Variants in NALCN observed in about 807,000 individuals in gnomAD.
NALCN encodes sodium leak channel, non-selective.
NALCN carries 111 observed loss-of-function variants against 225.3 expected under a neutral mutation model. The observed-to-expected ratio is 0.49, with a 90% CI of 0.42 to 0.58. The LOEUF is 0.58. Among genes scored for constraint, NALCN ranks in the 20% least tolerant of loss-of-function variants. NALCN has a pLI of 0.00. For missense variants in NALCN, 1,378 were observed against 2,202.4 expected (o/e 0.63, Z 7.49); for synonymous variants, 764 against 769.0 (o/e 0.99, Z 0.11).
chr13:101,234,817 T>C (rs551179231), intron 12 of NALCN, among the ~76,000 whole-genome samples: 1 of 150,694 alleles, frequency 6.6e-6, no homozygotes, highest in Non-Finnish European at 1.5e-5. Context: ...TGACTATCTA[T>C]CTACTATCTA....
At chr13:101,228,077 TCC>T (rs2041214260) in intron 13 of NALCN, among the ~76,000 whole-genome samples, 1 of 152,122 alleles carries the variant, frequency 6.6e-6, no homozygotes, top group South Asian at 2.1e-4. Flanking sequence ...TACTGGTTCC[TCC>T]CCTCAACTGA....
At chr13:101,179,134 G>A (rs777503728) in intron 14 of NALCN, among the ~76,000 whole-genome samples, 3 of 152,166 alleles carry the variant, frequency 2.0e-5, no homozygotes, top group Non-Finnish European at 4.4e-5. Context: ...TCACTGCAGT[G>A]ATGTTTATCA....
intron 18 of NALCN, among the ~76,000 whole-genome samples, chr13:101,118,220 G>A (rs1224708249): frequency 1.3e-5 from 2 of 151,942 alleles, no homozygotes; most frequent in Non-Finnish European, 2.9e-5. Context: ...GCTCCATTTT[G>A]CCGCAAACCT....
intron 6 of NALCN, among the ~76,000 whole-genome samples, chr13:101,358,239 T>A (rs1337484201): frequency 6.6e-6 from 1 of 152,088 alleles, no homozygotes; most frequent in Admixed American, 6.6e-5. Flanking sequence ...GAAACTATCA[T>A]CAGAGTGAAC....
At chr13:101,314,279 T>A (rs1396217666) in intron 7 of NALCN, among the ~76,000 whole-genome samples, 1 of 151,904 alleles carries the variant, frequency 6.6e-6, no homozygotes, top group Non-Finnish European at 1.5e-5. Flanking sequence ...ACCTGCACGT[T>A]GTGCACATGT....
rs73565149 is a variant in NALCN, at chr13:101,316,861, A to T, written c.800-24495T>A. ...ATAGAACAGATTTATGAGAAAAAAA[A>T]TGCTTCACTGATAGGTGCAGATAAT... is the stretch of plus-strand genomic sequence containing the variant. On this transcript the variant is annotated intron_variant, in intron 7 of 43. Coordinates refer to ENST00000251127, the MANE Select transcript of NALCN (RefSeq NM_052867.4). Among the ~76,000 whole-genome samples the T allele has an allele frequency of 6.0e-3, 912 of 152,332 alleles. 7 individuals are homozygous for T. The highest frequency in any genetic ancestry group is 0.02 in the African/African-American group (852 of 41,578).
intron 1 of NALCN, among the ~76,000 whole-genome samples, chr13:101,400,544 AGTGTGTGTGTGTGTGTGTGTGT>A (rs376844190): frequency 7.4e-6 from 1 of 135,150 alleles, no homozygotes; most frequent in Admixed American, 7.4e-5. Flanking sequence ...ACATGTTTGC[AGTGTGTGTGTGTGTGTGTGTGT>A]GTGTGTGTGT....
At chr13:101,360,189 CCTCTCTCTCTCTCT>C (rs759523803) in intron 6 of NALCN, among the ~76,000 whole-genome samples, 114 of 89,308 alleles carry the variant, frequency 1.3e-3, no homozygotes, top group South Asian at 4.7e-3. Context: ...TTCCTCTCTT[CCTCTCTCTCTCTCT>C]CTCTCTCTCT....
intron 6 of NALCN, among the ~76,000 whole-genome samples, chr13:101,357,514 A>G (rs2046099183): frequency 6.6e-6 from 1 of 152,196 alleles, no homozygotes; most frequent in South Asian, 2.1e-4. Flanking sequence ...ACTACAAATC[A>G]CTGCTCAAGG....
intron 22 of NALCN, among the ~76,000 whole-genome samples, chr13:101,105,647 C>T (rs1023351895): frequency 1.3e-5 from 2 of 152,098 alleles, no homozygotes; most frequent in African/African-American, 4.8e-5. Context: ...AAAAAACGTA[C>T]TTCAAGAACT....
chr13:101,130,359 TC>T (rs1192328756), intron 17 of NALCN, among the ~76,000 whole-genome samples: 1 of 152,230 alleles, frequency 6.6e-6, no homozygotes, highest in Non-Finnish European at 1.5e-5. Context: ...CTGTACTCTA[TC>T]CATATTAGAA....
intron 11 of NALCN, among the ~76,000 whole-genome samples, chr13:101,254,027 G>A (rs2042138422): frequency 6.6e-6 from 1 of 152,110 alleles, no homozygotes. Context: ...AAAGAGAAAT[G>A]GCAATGTAAT....
intron 13 of NALCN, among the ~76,000 whole-genome samples, chr13:101,193,146 T>C (rs1012091347): frequency 6.6e-6 from 1 of 150,386 alleles, no homozygotes; most frequent in African/African-American, 2.5e-5. Context: ...GGCTCAAAGA[T>C]GTTAAGTGAT....
intron 6 of NALCN, among the ~76,000 whole-genome samples, chr13:101,374,896 T>C (rs2046644708): frequency 6.6e-6 from 1 of 152,210 alleles, no homozygotes; most frequent in African/African-American, 2.4e-5. Context: ...AGTTGCATAA[T>C]ATACATATAC....
chr13:101,055,414 C>G lies in NALCN; in HGVS notation c.5098G>C (p.Val1700Leu). The G allele has an allele frequency of 1.2e-6, 2 of 1,614,122 alleles. No homozygotes were observed. The highest frequency in any genetic ancestry group is 8.5e-7 in the Non-Finnish European group (1 of 1,180,008). Residue 1700 changes from valine to leucine, a missense_variant, in exon 44 of 44, where the codon GTG becomes CTG. This residue lies in a region of NALCN where 145 missense variants were observed against 169.6 expected (regional missense o/e 0.85). Transcript: ENST00000251127. Reference sequence around the variant, plus strand: ...TCAGTCATGGGGTTCATTTTGCACACGACAGATTTCATGGTTGTCCTTCCT... The same window carrying G: ...TCAGTCATGGGGTTCATTTTGCACAGGACAGATTTCATGGTTGTCCTTCCT... Reference protein sequence around the residue: ...FGGRTTMKSVVCKMNPMTDAA... With the variant: ...FGGRTTMKSVLCKMNPMTDAA...
intron 10 of NALCN, among the ~76,000 whole-genome samples, chr13:101,267,433 T>C (rs1161061928): frequency 1.3e-5 from 2 of 152,280 alleles, no homozygotes; most frequent in East Asian, 1.9e-4. Context: ...TGGCCTCCAA[T>C]TGAATTCACC....
At chr13:101,216,657 C>T (rs2140095667) in intron 13 of NALCN, among the ~76,000 whole-genome samples, 1 of 152,210 alleles carries the variant, frequency 6.6e-6, no homozygotes, top group East Asian at 1.9e-4. Context: ...AAAAATGTCA[C>T]ACACTCTCAC....
intron 7 of NALCN, among the ~76,000 whole-genome samples, chr13:101,337,297 T>C (rs1179899157): frequency 6.7e-6 from 1 of 149,322 alleles, no homozygotes; most frequent in Admixed American, 6.7e-5. Context: ...TATTTATTTA[T>C]TTATTTATTT....
At chr13:101,224,879 G>A (rs1053208898) in intron 13 of NALCN, among the ~76,000 whole-genome samples, 2 of 152,066 alleles carry the variant, frequency 1.3e-5, no homozygotes, top group Admixed American at 1.3e-4. Context: ...TCCCTGTAGG[G>A]TCCTTAACAT....
Sources: gnomAD v4.1 joint callset for allele counts (sites outside exome capture counted in the v4.1 genomes callset) on GRCh38, gnomAD v4.1.1 for gene constraint, gnomAD v4.1.1 regional missense constraint, MANE v1.5 for transcripts, NCBI Gene and HGNC (gene_info 2026-07-23, HGNC 2026-07-21) for gene names.